ARK2C: variants seen among roughly 807,000 people sequenced by gnomAD.
The protein encoded by ARK2C is arkadia (RNF111) C-terminal like ring finger ubiquitin ligase 2C.
chr18:46,374,383 A>G, the ARK2C span, among the ~76,000 whole-genome samples: 1 of 152,036 alleles, frequency 6.6e-6, no homozygotes, highest in South Asian at 2.1e-4. Flanking sequence ...ACCTACCCCA[A>G]TGAAAACTCT....
At chr18:46,430,042 C>T in the ARK2C span, among the ~76,000 whole-genome samples, 6 of 152,212 alleles carry the variant, frequency 3.9e-5, no homozygotes, top group East Asian at 1.9e-4. Flanking sequence ...GAGATCCCTG[C>T]GCAGCTGTGT....
At chr18:46,385,439 G>A in the ARK2C span, among the ~76,000 whole-genome samples, 1 of 152,198 alleles carries the variant, frequency 6.6e-6, no homozygotes, top group Non-Finnish European at 1.5e-5. Context: ...GAAGAGGAAG[G>A]TGTTGCACAA....
At chr18:46,358,245 C>T in the ARK2C span, among the ~76,000 whole-genome samples, 19 of 152,242 alleles carry the variant, frequency 1.2e-4, no homozygotes, top group African/African-American at 4.1e-4. Flanking sequence ...GCATGTTTTG[C>T]GCAGGCTGGG....
chr18:46,392,196 T>C, the ARK2C span, among the ~76,000 whole-genome samples: 1 of 152,142 alleles, frequency 6.6e-6, no homozygotes. Flanking sequence ...ACTGTGGTCA[T>C]CCTTGCCTCC....
the ARK2C span, among the ~76,000 whole-genome samples, chr18:46,431,908 A>G: frequency 6.6e-6 from 1 of 152,182 alleles, no homozygotes. Context: ...CTCCTTTGGT[A>G]GGTGCTTGGT....
At chr18:46,443,308 CTTTAT>C in the ARK2C span, among the ~76,000 whole-genome samples, 1 of 152,048 alleles carries the variant, frequency 6.6e-6, no homozygotes, top group African/African-American at 2.4e-5. Flanking sequence ...AGTCATACCA[CTTTAT>C]TTTATCTTAT....
the ARK2C span, among the ~76,000 whole-genome samples, chr18:46,444,521 GTGGT>G: frequency 6.6e-6 from 1 of 152,054 alleles, no homozygotes; most frequent in Non-Finnish European, 1.5e-5. Flanking sequence ...CAGAAGTGCA[GTGGT>G]GGCATCACAG....
chr18:46,367,588 T>C, the ARK2C span, among the ~76,000 whole-genome samples: 9 of 152,170 alleles, frequency 5.9e-5, no homozygotes, highest in African/African-American at 1.9e-4. Context: ...GCTGTCTCAG[T>C]GAAGAGGTGG....
At chr18:46,358,948 C>T in the ARK2C span, among the ~76,000 whole-genome samples, 1 of 152,274 alleles carries the variant, frequency 6.6e-6, no homozygotes, top group African/African-American at 2.4e-5. Context: ...CCACAGAGCC[C>T]CAGGTCCCCT....
At chr18:46,383,416 CAT>C in the ARK2C span, among the ~76,000 whole-genome samples, 5 of 152,126 alleles carry the variant, frequency 3.3e-5, no homozygotes, top group African/African-American at 7.2e-5. Flanking sequence ...TACACACACA[CAT>C]GTTAATGAGA....
chr18:46,374,477 C>T, the ARK2C span, among the ~76,000 whole-genome samples: 1 of 152,204 alleles, frequency 6.6e-6, no homozygotes, highest in East Asian at 1.9e-4. Context: ...GTGAATTTGA[C>T]TACTTGAGGC....
chr18:46,380,975 C>T, the ARK2C span, among the ~76,000 whole-genome samples: 5 of 152,304 alleles, frequency 3.3e-5, no homozygotes, highest in African/African-American at 1.2e-4. Flanking sequence ...ACATTTGTCA[C>T]AGAGAGCACC....
At chr18:46,448,725 C>T in the ARK2C span, among the ~76,000 whole-genome samples, 50 of 152,204 alleles carry the variant, frequency 3.3e-4, 1 homozygote, top group Admixed American at 2.2e-3. Flanking sequence ...TGCAGAGTGC[C>T]GAATCATGGG....
chr18:46,415,212 G>T, the ARK2C span, among the ~76,000 whole-genome samples: 2 of 152,086 alleles, frequency 1.3e-5, no homozygotes, highest in African/African-American at 2.4e-5. Flanking sequence ...CCAAGGCAGT[G>T]ACCTTACCAG....
At chr18:46,436,276 A>ATG in the ARK2C span, among the ~76,000 whole-genome samples, 55 of 151,560 alleles carry the variant, frequency 3.6e-4, no homozygotes, top group Non-Finnish European at 4.4e-4. Flanking sequence ...GTATATATGT[A>ATG]TGTGTGTGTG....
chr18:46,340,899 T>C, the ARK2C span, among the ~76,000 whole-genome samples: 3 of 152,186 alleles, frequency 2.0e-5, no homozygotes, highest in East Asian at 5.8e-4. Context: ...CAAAGGGTAG[T>C]GTGTATACAG....
At chr18:46,451,604 G>A in the ARK2C span, among the ~76,000 whole-genome samples, 1 of 152,120 alleles carries the variant, frequency 6.6e-6, no homozygotes, top group Admixed American at 6.5e-5. Flanking sequence ...AGACCAACCT[G>A]AGCAAAATAG....
the ARK2C span, among the ~76,000 whole-genome samples, chr18:46,378,899 C>T: frequency 6.6e-6 from 1 of 152,222 alleles, no homozygotes; most frequent in African/African-American, 2.4e-5. Flanking sequence ...GTCTAACCCA[C>T]CTTCCACTCT....
At chr18:46,341,455 A>T in the ARK2C span, among the ~76,000 whole-genome samples, 2 of 152,030 alleles carry the variant, frequency 1.3e-5, no homozygotes, top group Admixed American at 1.3e-4. Context: ...TGCTTTGGAG[A>T]GTAGAAGACC....
Sources: gnomAD v4.1 joint callset for allele counts (sites outside exome capture counted in the v4.1 genomes callset) on GRCh38, gnomAD v4.1.1 for gene constraint, MANE v1.5 for transcripts, NCBI Gene and HGNC (gene_info 2026-07-23, HGNC 2026-07-21) for gene names.